The following SHISA9 variants were observed in gnomAD, a reference collection of about 807,000 sequenced individuals.
The protein encoded by SHISA9 is protein shisa-9.
Under a neutral mutation model 38.0 loss-of-function variants are expected in SHISA9, and 13 were observed. That is an observed-to-expected ratio of 0.34 (90% CI 0.22 to 0.54). SHISA9 has a LOEUF of 0.54. SHISA9 is among the 20% of genes least tolerant of loss of function. SHISA9 has a pLI of 0.91. For missense variants in SHISA9, 538 were observed against 575.8 expected, an observed-to-expected ratio of 0.93 and a Z score of 0.67; for synonymous variants, 275 against 242.0, an observed-to-expected ratio of 1.14 and a Z score of -1.27.
intron 2 of SHISA9, among the ~76,000 whole-genome samples, chr16:13,025,631 A>G (rs936603616): frequency 1.3e-5 from 2 of 152,218 alleles, no homozygotes; most frequent in African/African-American, 2.4e-5. Context: ...CCCATTCCTA[A>G]TAGTCACTTA....
At chr16:13,474,659 C>G in the SHISA9 span, among the ~76,000 whole-genome samples, 1 of 152,164 alleles carries the variant, frequency 6.6e-6, no homozygotes, top group Admixed American at 6.5e-5. Context: ...GAACAAATCT[C>G]TGAAGATTAT....
At chr16:13,273,568 C>G in the SHISA9 span, among the ~76,000 whole-genome samples, 1 of 152,172 alleles carries the variant, frequency 6.6e-6, no homozygotes, top group Non-Finnish European at 1.5e-5. Context: ...CCTCCCCAGT[C>G]ACATGGAACT....
the SHISA9 span, among the ~76,000 whole-genome samples, chr16:13,398,872 T>C: frequency 6.6e-6 from 1 of 152,188 alleles, no homozygotes; most frequent in African/African-American, 2.4e-5. Flanking sequence ...TCATCAATTA[T>C]TTGTTAAATG....
chr16:13,252,010 C>A, the SHISA9 span, among the ~76,000 whole-genome samples: 1 of 152,212 alleles, frequency 6.6e-6, no homozygotes, highest in Non-Finnish European at 1.5e-5. Flanking sequence ...AATTCTGCAA[C>A]AATGCATAGT....
intron 2 of SHISA9, among the ~76,000 whole-genome samples, chr16:13,065,641 G>T (rs1344124696): frequency 1.3e-5 from 2 of 152,234 alleles, no homozygotes; most frequent in Non-Finnish European, 2.9e-5. Flanking sequence ...TGCTAAGGAA[G>T]GGTTCGAAGG....
chr16:13,312,389 A>G, the SHISA9 span, among the ~76,000 whole-genome samples: 1 of 152,294 alleles, frequency 6.6e-6, no homozygotes, highest in South Asian at 2.1e-4. Flanking sequence ...AACTAATATA[A>G]ACTAATCCTC....
chr16:13,558,504 C>G, the SHISA9 span, among the ~76,000 whole-genome samples: 1 of 152,166 alleles, frequency 6.6e-6, no homozygotes, highest in Non-Finnish European at 1.5e-5. Flanking sequence ...TTTTATCAAT[C>G]AATCAATGCA....
chr16:13,071,319 G>C (rs768833469), intron 2 of SHISA9, among the ~76,000 whole-genome samples: 10 of 152,150 alleles, frequency 6.6e-5, no homozygotes, highest in Non-Finnish European at 1.5e-4. Flanking sequence ...GGGTGGTTTT[G>C]AGCACTTTCT....
chr16:13,416,893 A>G, the SHISA9 span, among the ~76,000 whole-genome samples: 5 of 149,862 alleles, frequency 3.3e-5, no homozygotes, highest in East Asian at 5.8e-4. Flanking sequence ...AGGAAGAGCA[A>G]GAAAGAAAGA....
chr16:13,028,595 C>A (rs184285228), intron 2 of SHISA9, among the ~76,000 whole-genome samples: 399 of 152,264 alleles, frequency 2.6e-3, no homozygotes, highest in African/African-American at 8.8e-3. Flanking sequence ...ATTCAATTAT[C>A]TCCTACCGGG....
chr16:13,456,768 G>C, the SHISA9 span, among the ~76,000 whole-genome samples: 2 of 152,352 alleles, frequency 1.3e-5, no homozygotes, highest in Admixed American at 1.3e-4. Context: ...CTGCCATTCA[G>C]GCAATGTGTG....
chr16:13,389,577 G>C, the SHISA9 span, among the ~76,000 whole-genome samples: 4 of 152,088 alleles, frequency 2.6e-5, no homozygotes, highest in Non-Finnish European at 5.9e-5. Context: ...GAAGGATATA[G>C]ATATTTTATT....
chr16:13,254,247 T>A, the SHISA9 span, among the ~76,000 whole-genome samples: 1 of 152,212 alleles, frequency 6.6e-6, no homozygotes, highest in Non-Finnish European at 1.5e-5. Context: ...TGAAGTGATT[T>A]GCCCAAAGCC....
the SHISA9 span, among the ~76,000 whole-genome samples, chr16:13,485,592 A>G: frequency 1.3e-5 from 2 of 152,320 alleles, no homozygotes; most frequent in African/African-American, 4.8e-5. Flanking sequence ...TAATTATCAA[A>G]TGAGGGTAAA....
chr16:13,422,734 A>AACC, the SHISA9 span, among the ~76,000 whole-genome samples: 1 of 151,354 alleles, frequency 6.6e-6, no homozygotes, highest in African/African-American at 2.4e-5. Context: ...AACAAACAAA[A>AACC]ACCACCACCA....
chr16:13,007,466 T>G (rs2072613354), intron 2 of SHISA9, among the ~76,000 whole-genome samples: 3 of 152,226 alleles, frequency 2.0e-5, no homozygotes, highest in Admixed American at 1.3e-4. Context: ...GGCCGCCATA[T>G]TGGTCTCCCT....
At chr16:13,010,225 A>T (rs181524516) in intron 2 of SHISA9, among the ~76,000 whole-genome samples, 77 of 152,338 alleles carry the variant, frequency 5.1e-4, no homozygotes, top group African/African-American at 1.8e-3. Context: ...AAGATGAAAC[A>T]TTCCAAATTT....
At chr16:13,523,194 AC>A in the SHISA9 span, among the ~76,000 whole-genome samples, 1 of 152,122 alleles carries the variant, frequency 6.6e-6, no homozygotes, top group Non-Finnish European at 1.5e-5. Context: ...CTAAAAAAAT[AC>A]AAAAATTAGC....
chr16:13,457,262 C>T, the SHISA9 span, among the ~76,000 whole-genome samples: 1 of 152,160 alleles, frequency 6.6e-6, no homozygotes, highest in Non-Finnish European at 1.5e-5. Context: ...GCCAAGATCG[C>T]ACCATTGCAC....
Sources: gnomAD v4.1 joint callset for allele counts (sites outside exome capture counted in the v4.1 genomes callset) on GRCh38, gnomAD v4.1.1 for gene constraint, MANE v1.5 for transcripts, NCBI Gene and HGNC (gene_info 2026-07-23, HGNC 2026-07-21) for gene names.